The following AKAP1 variants were observed in gnomAD, a reference collection of about 807,000 sequenced individuals.
AKAP1 encodes A-kinase anchor protein 1, mitochondrial.
AKAP1 carries 32 observed loss-of-function variants against 79.8 expected under a neutral mutation model. The ratio of observed to expected loss-of-function variants is 0.40; its 90% confidence interval spans 0.30 to 0.54. The LOEUF (loss-of-function observed/expected upper bound fraction) is 0.54, where lower values mean the gene tolerates loss of function less well. Ranked by LOEUF, AKAP1 falls within the 20% of genes least tolerant of loss-of-function variation. The pLI, the probability that AKAP1 is intolerant of heterozygous loss-of-function variation, is 0.47. For synonymous variants in AKAP1, 416 were observed against 466.7 expected (o/e 0.89, Z 1.40); for missense variants, 961 against 1,138.9 (o/e 0.84, Z 2.25).
chr17:57,108,934 C>T (rs1416309331), intron 2 of AKAP1, among the ~76,000 whole-genome samples: 5 of 152,234 alleles, frequency 3.3e-5, no homozygotes, highest in Admixed American at 2.6e-4. Context: ...TTATGCTTCC[C>T]GCAGGCTAGC....
chr17:57,112,030 T>G, intron 4 of AKAP1, 106 bp downstream of exon 4: 1 of 1,443,208 alleles, frequency 6.9e-7, no homozygotes. Context: ...AAACCCTGCT[T>G]CTCATCCCAG....
intron 1 of AKAP1, among the ~76,000 whole-genome samples, chr17:57,100,238 G>A (rs1914406208): frequency 6.6e-6 from 1 of 152,144 alleles, no homozygotes; most frequent in Non-Finnish European, 1.5e-5. Context: ...GGGAGTCACA[G>A]CTATAAATCT....
At position 57,120,562 on chromosome 17, in the gene AKAP1, C is replaced by T; in HGVS notation, c.*238C>T. On this transcript the variant is annotated 3_prime_UTR_variant, in exon 11 of 11. Coordinates refer to ENST00000337714, the MANE Select transcript of AKAP1 (RefSeq NM_003488.4). ...AAGCCAGCTGGCTTATGCTGGTTCT[C>T]AGCTGTTTAAAAAAAAAAAAAAAAA... The T allele has an allele frequency of 3.2e-6, 1 of 316,638 alleles. No homozygotes were observed. The allele number at this position is 316,638 out of a possible 1,614,324, so 19.6% of individuals were successfully genotyped here.
intron 2 of AKAP1, among the ~76,000 whole-genome samples, chr17:57,107,676 G>A (rs1914981817): frequency 6.6e-6 from 1 of 151,950 alleles, no homozygotes; most frequent in African/African-American, 2.4e-5. Flanking sequence ...CTCTTTGTGT[G>A]TGCGTGTGTG....
chr17:57,118,849 G>C, intron 9 of AKAP1, 133 bp from the exon 10 acceptor site: 2 of 936,168 alleles, frequency 2.1e-6, no homozygotes, highest in Non-Finnish European at 3.4e-6. Flanking sequence ...TGGGCACACC[G>C]CCTCATGATC....
chr17:57,120,083 C>CTGCTAGG, intron 10 of AKAP1, among the ~76,000 whole-genome samples, 167 bp from the exon 11 acceptor site: 1 of 152,016 alleles, frequency 6.6e-6, no homozygotes, highest in Non-Finnish European at 1.5e-5. Context: ...GCCTCAGCCT[C>CTGCTAGG]CCAAAATGCT....
intron 1 of AKAP1, among the ~76,000 whole-genome samples, chr17:57,102,939 G>T (rs975338825): frequency 7.9e-5 from 12 of 152,152 alleles, no homozygotes; most frequent in African/African-American, 2.9e-4. Flanking sequence ...AATTAGCCAA[G>T]TGTGGTGGTG....
Position 57,118,375 on chromosome 17 carries a change from C to T in AKAP1, c.2501-6C>T. ...CTAAATGCCGCTTTTCCTTTTCCTC[C>T]TGAAGACGATGACCAGTTTTCACCG... is the stretch of plus-strand genomic sequence containing the variant. On this transcript the variant is annotated splice_region_variant and splice_polypyrimidine_tract_variant and intron_variant, in intron 8 of 10. Transcript: ENST00000337714. 1 of 1,613,910 alleles carries T rather than the reference C, an allele frequency of 6.2e-7. No homozygotes were observed. Among genetic ancestry groups the T allele is most frequent in the South Asian group, 1.1e-5 (1 of 91,068 alleles).
In AKAP1 at chr17:57,120,482, G is replaced by C. The variant is rs1162011957; in HGVS notation, c.*158G>C. ...TATTGAGAAGACATTTCGTCTCTGA[G>C]AAAAAAGGATGGAACTATGGGTTCT... is the stretch of plus-strand genomic sequence containing the variant. On this transcript the variant is annotated 3_prime_UTR_variant, in exon 11 of 11. Coordinates refer to ENST00000337714, the MANE Select transcript of AKAP1 (RefSeq NM_003488.4). 2 of 576,446 alleles carry C rather than the reference G, an allele frequency of 3.5e-6. No individual in the cohort carries two copies. The highest frequency in any genetic ancestry group is 5.8e-6 in the Non-Finnish European group (2 of 342,090). 35.7% of individuals were successfully genotyped at this position (576,446 alleles called of 1,614,324 possible). A position where few individuals can be genotyped will look rare whatever the true frequency, so the allele number is the denominator to read the frequency against.
intron 1 of AKAP1, chr17:57,098,480 C>CA (rs1360142529): frequency 5.3e-5 from 8 of 149,642 alleles, no homozygotes; most frequent in South Asian, 2.1e-4. Flanking sequence ...TTCAGGTTTA[C>CA]AAAAAAAAAC....
At chr17:57,088,221 T>G (rs1913578267) in intron 1 of AKAP1, among the ~76,000 whole-genome samples, 1 of 152,212 alleles carries the variant, frequency 6.6e-6, no homozygotes, top group South Asian at 2.1e-4. Flanking sequence ...GTTTTCACTT[T>G]TATGATCATT....
chr17:57,115,586 C>T (rs1221903646), intron 6 of AKAP1, among the ~76,000 whole-genome samples: 1 of 152,192 alleles, frequency 6.6e-6, no homozygotes, highest in Non-Finnish European at 1.5e-5. Context: ...TGCCCAGGTG[C>T]TGTCAGCACC....
Position 57,118,470 on chromosome 17 carries a change from G to A in AKAP1, c.2574+16G>A. The A allele has an allele frequency of 6.2e-7, 1 of 1,613,464 alleles. No individual in the cohort carries two copies. Among genetic ancestry groups the A allele is most frequent in the South Asian group, 1.1e-5 (1 of 91,064 alleles). The stretch of plus-strand genomic sequence containing the variant: ...GCTTGCTCAGGTGTGTGGTTGGCAG[G>A]GGTGGGGGAGGCAGGCTGGCTGGGT... On this transcript the variant is annotated intron_variant, in intron 9 of 10. Transcript: ENST00000337714.
rs1384000377 is a variant in AKAP1, at chr17:57,105,780, G to C, written c.316G>C (p.Glu106Gln). The part of the protein sequence containing the change: ...LQTHPPCRRS[E>Q]SSGILPNTTD... ...GACACACCCACCTTGCCGAAGATCAGAGTCCTCGGGCATTCTTCCTAACAC... is the reference window on the plus strand; with the variant it reads ...GACACACCCACCTTGCCGAAGATCACAGTCCTCGGGCATTCTTCCTAACAC... Residue 106 changes from glutamate (E) to glutamine (Q), a missense_variant, in exon 2 of 11, where the codon GAG becomes CAG. By Grantham distance (29) the Glu-to-Gln change is conservative. This residue lies in a region of AKAP1 where 108 missense variants were observed against 147.6 expected (regional missense o/e 0.73). Transcript: ENST00000337714. The C allele has an allele frequency of 6.2e-7, 1 of 1,614,224 alleles. No homozygotes were observed. The highest frequency in any genetic ancestry group is 8.5e-7 in the Non-Finnish European group (1 of 1,180,038).
chr17:57,092,959 C>T (rs1913871778), intron 1 of AKAP1: 1 of 152,966 alleles, frequency 6.5e-6, no homozygotes, highest in African/African-American at 2.4e-5. Flanking sequence ...TCCCCGCTCT[C>T]CTCCTGCTTC....
intron 1 of AKAP1, chr17:57,096,385 A>G (rs1466633419): frequency 6.6e-6 from 1 of 152,138 alleles, no homozygotes; most frequent in Non-Finnish European, 1.5e-5. Context: ...AAGTGTCCCG[A>G]GTTCCTGACA....
At chr17:57,118,333 C>A (rs1178737095) in intron 8 of AKAP1, 48 bp from the exon 9 acceptor site, 2 of 1,578,406 alleles carry the variant, frequency 1.3e-6, no homozygotes, top group African/African-American at 2.7e-5. Flanking sequence ...ACAAGGGTGC[C>A]TTGCCTCAGT....
At chr17:57,097,331 TC>T (rs1483136795) in intron 1 of AKAP1, among the ~76,000 whole-genome samples, 1 of 152,208 alleles carries the variant, frequency 6.6e-6, no homozygotes, top group Non-Finnish European at 1.5e-5. Context: ...GATTGATTCT[TC>T]CATCAGAATC....
intron 3 of AKAP1, 114 bp downstream of exon 3, chr17:57,110,272 A>G (rs1250420946): frequency 1.4e-6 from 2 of 1,438,156 alleles, no homozygotes; most frequent in African/African-American, 2.8e-5. Context: ...AACCAGAAGG[A>G]GCCCTGGGTC....
Sources: gnomAD v4.1 joint callset for allele counts (sites outside exome capture counted in the v4.1 genomes callset) on GRCh38, gnomAD v4.1.1 for gene constraint, gnomAD v4.1.1 regional missense constraint, MANE v1.5 for transcripts, NCBI Gene and HGNC (gene_info 2026-07-23, HGNC 2026-07-21) for gene names.